The following DGKI variants were observed in gnomAD, a reference collection of about 807,000 sequenced individuals.
DGKI encodes the protein diacylglycerol kinase iota.
A neutral mutation model predicts 147.5 loss-of-function variants in DGKI; 55 were observed. The ratio of observed to expected loss-of-function variants is 0.37; its 90% confidence interval spans 0.30 to 0.47. The LOEUF (loss-of-function observed/expected upper bound fraction) is 0.47. DGKI is among the 20% of genes least tolerant of loss of function. The pLI is 1.00. For synonymous variants in DGKI, 469 were observed against 477.1 expected (o/e 0.98, Z 0.22); for missense variants, 1,007 against 1,323.8 (o/e 0.76, Z 3.71).
chr7:137,708,379 G>C (rs1262737142), intron 1 of DGKI, among the ~76,000 whole-genome samples: 1 of 152,154 alleles, frequency 6.6e-6, no homozygotes, highest in Non-Finnish European at 1.5e-5. Context: ...TAATTTACAG[G>C]AGTGGAAGTG....
intron 1 of DGKI, among the ~76,000 whole-genome samples, chr7:137,793,327 G>A (rs1262629121): frequency 6.7e-6 from 1 of 150,254 alleles, no homozygotes; most frequent in Non-Finnish European, 1.5e-5. Flanking sequence ...TTGAGACGGA[G>A]TCTCACTCTG....
chr7:137,470,838 G>A (rs1404920793), intron 23 of DGKI, among the ~76,000 whole-genome samples: 2 of 152,054 alleles, frequency 1.3e-5, no homozygotes, highest in African/African-American at 2.4e-5. Flanking sequence ...TAGAAGCTTG[G>A]CCTCTGACCT....
chr7:137,751,554 A>C (rs1270701308), intron 1 of DGKI, among the ~76,000 whole-genome samples: 2 of 152,240 alleles, frequency 1.3e-5, no homozygotes, highest in Non-Finnish European at 2.9e-5. Context: ...AATATGCTTG[A>C]GTATAGATAA....
intron 1 of DGKI, among the ~76,000 whole-genome samples, chr7:137,777,133 A>G (rs990189781): frequency 2.6e-5 from 4 of 152,182 alleles, no homozygotes; most frequent in African/African-American, 9.7e-5. Context: ...TTGAGGCTGC[A>G]GTGAATTATG....
chr7:137,681,293 T>G (rs1365689875), intron 2 of DGKI, among the ~76,000 whole-genome samples: 1 of 152,194 alleles, frequency 6.6e-6, no homozygotes, highest in South Asian at 2.1e-4. Context: ...AATGGGAAAA[T>G]AGGCTTCACC....
chr7:137,526,830 A>G (rs930482160), intron 20 of DGKI, among the ~76,000 whole-genome samples: 8 of 151,958 alleles, frequency 5.3e-5, no homozygotes, highest in African/African-American at 1.9e-4. Context: ...CCTCCTTTTG[A>G]TCAATTTCTT....
At chr7:137,407,483 T>C (rs940727754) in intron 30 of DGKI, among the ~76,000 whole-genome samples, 1 of 152,056 alleles carries the variant, frequency 6.6e-6, no homozygotes, top group African/African-American at 2.4e-5. Flanking sequence ...TCCTCATGAA[T>C]CTTCACAACG....
At chr7:137,489,037 T>C (rs1185653470) in intron 21 of DGKI, among the ~76,000 whole-genome samples, 1 of 152,080 alleles carries the variant, frequency 6.6e-6, no homozygotes, top group East Asian at 1.9e-4. Flanking sequence ...CAATGTTACC[T>C]CCTAGATTGG....
chr7:137,666,837 C>A (rs1187946499), intron 3 of DGKI, among the ~76,000 whole-genome samples: 2 of 152,134 alleles, frequency 1.3e-5, no homozygotes, highest in East Asian at 1.9e-4. Context: ...TGTTTCCCAC[C>A]CTGGCTCTCA....
intron 27 of DGKI, chr7:137,454,721 C>T (rs1395505111): frequency 6.6e-6 from 1 of 152,118 alleles, no homozygotes; most frequent in African/African-American, 2.4e-5. Context: ...AGAAAAGGCA[C>T]ATTATTCTAA....
intron 1 of DGKI, among the ~76,000 whole-genome samples, chr7:137,765,166 T>A (rs575141270): frequency 6.6e-6 from 1 of 152,356 alleles, no homozygotes; most frequent in African/African-American, 2.4e-5. Context: ...GTTCCATTAA[T>A]GCAGCTTTTT....
rs188926719 is a variant in DGKI at position 137,748,801 on chromosome 7, G to C, written c.402-58799C>G. Among the ~76,000 whole-genome samples the C allele has an allele frequency of 1.3e-4, 20 of 152,258 alleles. No individual in the cohort carries two copies. The East Asian group carries it at 2.7e-3, about 21-fold the overall frequency. ...TCTAAAAACCATTAGAAAAAAATTAGTCAGAATTGAGAACTTAAGTCAGAT... is the reference window on the plus strand; with the variant it reads ...TCTAAAAACCATTAGAAAAAAATTACTCAGAATTGAGAACTTAAGTCAGAT... On this transcript the variant is annotated intron_variant, in intron 1 of 32. Coordinates refer to ENST00000614521, the MANE Select transcript of DGKI (RefSeq NM_001321708.2).
chr7:137,741,404 T>C (rs1054607948), intron 1 of DGKI, among the ~76,000 whole-genome samples: 1 of 152,210 alleles, frequency 6.6e-6, no homozygotes, highest in Non-Finnish European at 1.5e-5. Context: ...AAAGAGGGCA[T>C]GCGAAAAACA....
At chr7:137,681,208 C>T (rs1823224950) in intron 2 of DGKI, among the ~76,000 whole-genome samples, 1 of 152,206 alleles carries the variant, frequency 6.6e-6, no homozygotes, top group Admixed American at 6.5e-5. Context: ...AAAGGGTGGA[C>T]ACCTGTTCAC....
At chr7:137,619,430 A>G (rs995978873) in intron 8 of DGKI, among the ~76,000 whole-genome samples, 7 of 152,222 alleles carry the variant, frequency 4.6e-5, no homozygotes, top group African/African-American at 1.7e-4. Flanking sequence ...CCAAACCATG[A>G]AGCCTGAACA....
At chr7:137,652,835 C>T (rs1215442856) in intron 5 of DGKI, among the ~76,000 whole-genome samples, 2 of 152,170 alleles carry the variant, frequency 1.3e-5, no homozygotes, top group Non-Finnish European at 2.9e-5. Flanking sequence ...GTTTGTGATT[C>T]TCAGATATCT....
intron 20 of DGKI, among the ~76,000 whole-genome samples, chr7:137,536,462 C>T (rs1817523858): frequency 6.6e-6 from 1 of 152,046 alleles, no homozygotes; most frequent in Admixed American, 6.6e-5. Flanking sequence ...CAGGGCCCGG[C>T]CCCCCTGCCC....
At position 137,587,224 on chromosome 7, in the gene DGKI, G is replaced by T; in HGVS notation, c.1312-14C>A. On this transcript the variant is annotated splice_polypyrimidine_tract_variant and intron_variant, in intron 12 of 32. Coordinates refer to ENST00000614521, the MANE Select transcript of DGKI (RefSeq NM_001321708.2). ...GATCCAGCCCACCTACAGGCGTATC[G>T]GGGGCCAGAAGAGATATAAGAAAGA... 6.3e-7 allele frequency: 1 copy of T among 1,593,814 alleles called. No homozygotes were observed. Among genetic ancestry groups the T allele is most frequent in the Non-Finnish European group, 8.5e-7 (1 of 1,170,180 alleles).
intron 20 of DGKI, among the ~76,000 whole-genome samples, chr7:137,532,034 G>GA (rs11371269): frequency 0.85 from 128,015 of 151,306 alleles, 55,897 homozygotes; most frequent in East Asian, 1. Flanking sequence ...CAAACCAATA[G>GA]AAAAAAAAAT....
Sources: allele counts gnomAD v4.1 joint callset (sites outside exome capture counted in the v4.1 genomes callset), GRCh38; gene constraint gnomAD v4.1.1; transcripts MANE v1.5; gene names NCBI Gene and HGNC (gene_info 2026-07-23, HGNC 2026-07-21).